The following SPON1 variants were observed in gnomAD, a reference collection of about 807,000 sequenced individuals.
The protein encoded by SPON1 is spondin 1.
Under a neutral mutation model 111.7 loss-of-function variants are expected in SPON1, and 52 were observed. The ratio of observed to expected loss-of-function variants is 0.47; its 90% CI spans 0.37 to 0.59. The LOEUF is 0.59. SPON1 is among the 20% of genes least tolerant of loss of function. The pLI, the probability that SPON1 is intolerant of heterozygous loss-of-function variation, is 0.00. For synonymous variants in SPON1, 410 were observed against 395.8 expected (o/e 1.04, Z -0.43); for missense variants, 957 against 1,068.5 (o/e 0.90, Z 1.46).
intron 5 of SPON1, among the ~76,000 whole-genome samples, chr11:14,117,659 G>A (rs1554926124): frequency 6.6e-6 from 1 of 152,134 alleles, no homozygotes; most frequent in Admixed American, 6.5e-5. Flanking sequence ...TTTTGAGATG[G>A]ATTTTTTTCT....
At chr11:14,129,686 C>T (rs1202458213) in intron 5 of SPON1, among the ~76,000 whole-genome samples, 8 of 152,164 alleles carry the variant, frequency 5.3e-5, no homozygotes. Context: ...AGCAGTGCCC[C>T]ACTTTGGGTA....
intron 1 of SPON1, among the ~76,000 whole-genome samples, chr11:13,969,350 CA>C (rs1554908369): frequency 6.6e-6 from 1 of 152,078 alleles, no homozygotes; most frequent in Non-Finnish European, 1.5e-5. Flanking sequence ...TGTGCCAGTG[CA>C]CCCAGCCTGG....
chr11:14,100,223 T>C (rs1849133050), intron 5 of SPON1, among the ~76,000 whole-genome samples: 1 of 152,142 alleles, frequency 6.6e-6, no homozygotes, highest in South Asian at 2.1e-4. Flanking sequence ...TGCCAAGCTA[T>C]GTGTTACCTA....
At position 14,160,937 on chromosome 11, in the gene SPON1, A is replaced by T. The variant is rs1426613355; in HGVS notation, c.825+25369A>T. Among the ~76,000 whole-genome samples the T allele has an allele frequency of 3.7e-3, 185 of 50,386 alleles. 4 individuals are homozygous for T. Among genetic ancestry groups the T allele is most frequent in the African/African-American group, 4.4e-3 (57 of 12,964 alleles). The allele number at this position is 50,386 out of a possible 152,430, so 33.1% of individuals were successfully genotyped here. The stretch of plus-strand genomic sequence containing the variant: ...TATATTTATATATTTATATATTTAT[A>T]TATATATTTATATATTTATATATAT... On this transcript the variant is annotated intron_variant, in intron 6 of 15. Coordinates refer to ENST00000576479, the MANE Select transcript of SPON1 (RefSeq NM_006108.4).
At chr11:14,101,978 A>G (rs139547417) in intron 5 of SPON1, among the ~76,000 whole-genome samples, 18 of 152,316 alleles carry the variant, frequency 1.2e-4, no homozygotes, top group African/African-American at 3.6e-4. Context: ...TTCTCTCACC[A>G]TATAGATACA....
At chr11:14,171,237 C>T (rs1192146306) in intron 6 of SPON1, among the ~76,000 whole-genome samples, 1 of 152,110 alleles carries the variant, frequency 6.6e-6, no homozygotes, top group Non-Finnish European at 1.5e-5. Flanking sequence ...GTGTATGTGT[C>T]CAGGAATTTA....
intron 7 of SPON1, among the ~76,000 whole-genome samples, chr11:14,252,638 A>AC (rs1203892762): frequency 4.9e-5 from 7 of 141,886 alleles, no homozygotes; most frequent in Admixed American, 2.8e-4. Flanking sequence ...AGCCGAAGGC[A>AC]AGACCTGCGC....
At position 14,190,258 on chromosome 11, in the gene SPON1, T is replaced by G. The variant is rs556513352; in HGVS notation, c.826-53074T>G. ...ACTCCAGGAGCCTGAAAGCAGGTCT[T>G]TCACTGTGGCTGCCAGGTTATGGCC... On this transcript the variant is annotated intron_variant, in intron 6 of 15. Transcript: ENST00000576479. Among the ~76,000 whole-genome samples the G allele has an allele frequency of 2.3e-4, 35 of 152,334 alleles. No individual in the cohort carries two copies. In the South Asian group the frequency reaches 7.3e-3, roughly 32 times the overall value.
At chr11:14,008,871 A>C (rs1848383808) in intron 2 of SPON1, among the ~76,000 whole-genome samples, 1 of 152,208 alleles carries the variant, frequency 6.6e-6, no homozygotes, top group South Asian at 2.1e-4. Flanking sequence ...AAAACCTTAC[A>C]ACAAACAAAA....
chr11:14,249,060 T>C (rs1554940469), intron 7 of SPON1, among the ~76,000 whole-genome samples: 1 of 152,238 alleles, frequency 6.6e-6, no homozygotes, highest in Admixed American at 6.5e-5. Flanking sequence ...ATCTGAATGC[T>C]AAGAATTACT....
rs140496672 is a variant in SPON1, at chr11:14,198,292, A to C, written c.826-45040A>C. Among the ~76,000 whole-genome samples the C allele has an allele frequency of 7.5e-4, 114 of 152,342 alleles. 2 individuals are homozygous for C. Among genetic ancestry groups the C allele is most frequent in the African/African-American group, 2.6e-3 (108 of 41,580 alleles). ...TTTGAAAATCACTAAGCCAGACCAA[A>C]GGAAGGAAAATCCAAATGCAGGTGC... On this transcript the variant is annotated intron_variant, in intron 6 of 15. Transcript: ENST00000576479.
At chr11:14,212,200 G>T (rs1554936811) in intron 6 of SPON1, among the ~76,000 whole-genome samples, 1 of 151,566 alleles carries the variant, frequency 6.6e-6, no homozygotes, top group Non-Finnish European at 1.5e-5. Flanking sequence ...GTCCGGCCTT[G>T]TCTGTGCTTT....
chr11:14,162,355 A>C lies in SPON1; in HGVS notation c.825+26787A>C, dbSNP rs559185320. ...AGCAGAAGTTGATTACTATAACCTAAAGAAGAATGTGTTAAAGCAGGGAAT... is the reference window on the plus strand; with the variant it reads ...AGCAGAAGTTGATTACTATAACCTACAGAAGAATGTGTTAAAGCAGGGAAT... On this transcript the variant is annotated intron_variant, in intron 6 of 15. Transcript: ENST00000576479. Among the ~76,000 whole-genome samples the C allele has an allele frequency of 2.6e-5, 4 of 152,278 alleles. No individual in the cohort carries two copies. The South Asian group carries it at 8.3e-4, about 32-fold the overall frequency.
chr11:14,163,056 A>G (rs1180756079), intron 6 of SPON1, among the ~76,000 whole-genome samples: 1 of 152,176 alleles, frequency 6.6e-6, no homozygotes, highest in Non-Finnish European at 1.5e-5. Context: ...TCTTATCCTC[A>G]CATTCACTGG....
At chr11:13,986,159 C>G (rs1193816576) in intron 2 of SPON1, among the ~76,000 whole-genome samples, 4 of 152,296 alleles carry the variant, frequency 2.6e-5, no homozygotes, top group African/African-American at 4.8e-5. Context: ...AAGGAGTCCT[C>G]CTTGTCATCA....
chr11:14,042,804 A>G (rs944081926), intron 3 of SPON1, among the ~76,000 whole-genome samples: 4 of 152,244 alleles, frequency 2.6e-5, no homozygotes, highest in Non-Finnish European at 5.9e-5. Context: ...TGCAGTTCTT[A>G]GACTTCCACT....
chr11:13,992,970 G>A (rs1554911375), intron 2 of SPON1, among the ~76,000 whole-genome samples: 1 of 152,038 alleles, frequency 6.6e-6, no homozygotes, highest in African/African-American at 2.4e-5. Flanking sequence ...AATCTCACTG[G>A]GAGCTGTAGA....
intron 1 of SPON1, among the ~76,000 whole-genome samples, chr11:13,974,561 G>A (rs925794947): frequency 1.3e-5 from 2 of 152,212 alleles, no homozygotes; most frequent in South Asian, 2.1e-4. Flanking sequence ...GGTAGGGTAA[G>A]TGTACCCAAG....
At chr11:14,242,669 T>C (rs1429368056) in intron 6 of SPON1, among the ~76,000 whole-genome samples, 1 of 152,224 alleles carries the variant, frequency 6.6e-6, no homozygotes, top group African/African-American at 2.4e-5. Flanking sequence ...TTCAGTGCTT[T>C]CCTTCAAAAT....
Sources: allele counts gnomAD v4.1 joint callset (sites outside exome capture counted in the v4.1 genomes callset), GRCh38; gene constraint gnomAD v4.1.1; transcripts MANE v1.5; gene names NCBI Gene and HGNC (gene_info 2026-07-23, HGNC 2026-07-21).